Variants in DCAF6 observed in about 807,000 individuals in gnomAD.
The protein encoded by DCAF6 is DDB1- and CUL4-associated factor 6.
In DCAF6, 54 loss-of-function variants were observed where a neutral mutation model predicts 125.1. The observed-to-expected ratio is 0.43, with a 90% CI of 0.35 to 0.54. DCAF6 has a LOEUF of 0.54. DCAF6 is among the 20% of genes least tolerant of loss of function. The probability of loss-of-function intolerance (pLI) is 0.01; values close to 1 mark genes in which losing one functional copy is unlikely to be tolerated. For missense variants in DCAF6, 934 were observed against 1,161.7 expected, an observed-to-expected ratio of 0.80 and a Z score of 2.85; for synonymous variants, 371 against 390.4, an observed-to-expected ratio of 0.95 and a Z score of 0.58.
intron 4 of DCAF6, among the ~76,000 whole-genome samples, chr1:167,982,852 G>A (rs1433124745): frequency 6.6e-6 from 1 of 152,058 alleles, no homozygotes; most frequent in East Asian, 1.9e-4. Context: ...TGAAATGTAG[G>A]GGGGTCCAGT....
At chr1:168,007,583 T>C (rs1430118845) in intron 10 of DCAF6, among the ~76,000 whole-genome samples, 1 of 152,200 alleles carries the variant, frequency 6.6e-6, no homozygotes, top group African/African-American at 2.4e-5. Context: ...CTTACTAGAT[T>C]TTTCGACCCG....
At chr1:167,983,144 A>C (rs765679677) in intron 4 of DCAF6, among the ~76,000 whole-genome samples, 1 of 152,136 alleles carries the variant, frequency 6.6e-6, no homozygotes, top group Non-Finnish European at 1.5e-5. Context: ...TTGGCTGTTC[A>C]GGCTCTTTTT....
At chr1:167,933,703 A>G (rs1465001692), upstream of DCAF6, among the ~76,000 whole-genome samples, 1 of 152,254 alleles carries the variant, frequency 6.6e-6, no homozygotes, top group African/African-American at 2.4e-5. Context: ...TAAACTCTTA[A>G]GACAATAATC....
At chr1:167,964,669 A>C (rs761346075) in intron 2 of DCAF6, among the ~76,000 whole-genome samples, 5 of 152,182 alleles carry the variant, frequency 3.3e-5, no homozygotes, top group Admixed American at 1.3e-4. Flanking sequence ...TTCACATTAT[A>C]CATGAGTTAT....
At chr1:167,969,051 T>G (rs1029492635) in intron 3 of DCAF6, among the ~76,000 whole-genome samples, 2 of 151,318 alleles carry the variant, frequency 1.3e-5, no homozygotes, top group Non-Finnish European at 1.5e-5. Flanking sequence ...TATATGTTGG[T>G]TTTTTTTTAC....
At chr1:167,948,134 CTTTT>C (rs34716266) in intron 1 of DCAF6, among the ~76,000 whole-genome samples, 1 of 132,844 alleles carries the variant, frequency 7.5e-6, no homozygotes, top group Non-Finnish European at 1.6e-5. Flanking sequence ...TTTCTTAGTC[CTTTT>C]TTTTTTTTTT....
chr1:167,899,594 A>C, the DCAF6 span: 1 of 1,614,174 alleles, frequency 6.2e-7, no homozygotes, highest in Non-Finnish European at 8.5e-7. Flanking sequence ...TTTCATCTCC[A>C]AAGACCAACA....
At chr1:167,978,250 T>C (rs1678554374) in intron 4 of DCAF6, among the ~76,000 whole-genome samples, 1 of 152,240 alleles carries the variant, frequency 6.6e-6, no homozygotes, top group South Asian at 2.1e-4. Context: ...GTAAAATTGC[T>C]GGGTCATAGA....
At chr1:167,899,674 A>G in the DCAF6 span, 1 of 1,582,900 alleles carries the variant, frequency 6.3e-7, no homozygotes, top group Non-Finnish European at 8.7e-7. Flanking sequence ...GTTCTGGATT[A>G]TTTCCCAGCA....
intron 2 of DCAF6, among the ~76,000 whole-genome samples, chr1:167,958,101 T>C (rs202268): frequency 0.43 from 65,385 of 151,944 alleles, 15,426 homozygotes; most frequent in African/African-American, 0.62. Context: ...GTTGTCTTTT[T>C]GCCTTCCTCA....
chr1:167,902,111 A>C, the DCAF6 span: 6 of 1,513,666 alleles, frequency 4.0e-6, no homozygotes, highest in Admixed American at 8.5e-5. Context: ...TAGTAAAAAA[A>C]CATCATTCTT....
the DCAF6 span, among the ~76,000 whole-genome samples, chr1:167,870,638 CAAAAAAAA>C: frequency 5.1e-4 from 48 of 93,744 alleles, no homozygotes; most frequent in Non-Finnish European, 8.6e-4. Context: ...ACTGAAAATA[CAAAAAAAA>C]AAAAAAAAAA....
chr1:167,966,496 C>T, intron 2 of DCAF6, 133 bp from the exon 3 acceptor site: 1 of 607,738 alleles, frequency 1.6e-6, no homozygotes, highest in Non-Finnish European at 2.9e-6. Flanking sequence ...TAAGATTGGA[C>T]ACCCCTATGT....
At chr1:167,984,934 G>A (rs11581963) in intron 4 of DCAF6, among the ~76,000 whole-genome samples, 12,864 of 152,146 alleles carry the variant, frequency 0.085, 616 homozygotes, top group Middle Eastern at 0.1. Flanking sequence ...TGTGTACCTG[G>A]GAGGCCTCAC....
At chr1:167,919,169 G>A in the DCAF6 span, among the ~76,000 whole-genome samples, 1 of 152,114 alleles carries the variant, frequency 6.6e-6, no homozygotes, top group African/African-American at 2.4e-5. Context: ...CTTCTGTGAT[G>A]CAGGCAGGCT....
At chr1:167,996,013 A>G (rs1681629194) in intron 7 of DCAF6, among the ~76,000 whole-genome samples, 1 of 152,234 alleles carries the variant, frequency 6.6e-6, no homozygotes, top group South Asian at 2.1e-4. Context: ...TGTTCTGTAT[A>G]AGTAGAACAA....
chr1:167,963,032 G>T (rs955178182), intron 2 of DCAF6, among the ~76,000 whole-genome samples: 6 of 152,088 alleles, frequency 3.9e-5, no homozygotes, highest in Non-Finnish European at 2.9e-5. Flanking sequence ...GGCCAAGGCG[G>T]GTGGATCACC....
Position 167,936,851 on chromosome 1 carries a change from C to G in DCAF6, c.-61C>G, listed in dbSNP as rs984134355. ...GGCTCGGGTGTTGAAACGGGTGTCC[C>G]CTCCCCCTCCTCCCCTCCCCCACGC... On this transcript the variant is annotated 5_prime_UTR_variant, in exon 1 of 22. Transcript: ENST00000367840. The G allele has an allele frequency of 1.4e-6, 2 of 1,382,084 alleles. No individual in the cohort carries two copies. Among genetic ancestry groups the G allele is most frequent in the African/African-American group, 2.9e-5 (2 of 69,288 alleles). The allele number at this position is 1,382,084 out of a possible 1,614,324, so 85.6% of individuals were successfully genotyped here.
At chr1:167,979,880 C>T (rs1678847585) in intron 4 of DCAF6, among the ~76,000 whole-genome samples, 1 of 151,386 alleles carries the variant, frequency 6.6e-6, no homozygotes, top group Admixed American at 6.6e-5. Flanking sequence ...GAGTGAGACT[C>T]TGTCTCAAAA....
Sources: allele counts gnomAD v4.1 joint callset (sites outside exome capture counted in the v4.1 genomes callset), GRCh38; gene constraint gnomAD v4.1.1; transcripts MANE v1.5; gene names NCBI Gene and HGNC (gene_info 2026-07-23, HGNC 2026-07-21).